PABPC4L: variants seen among roughly 807,000 people sequenced by gnomAD.
PABPC4L encodes polyadenylate-binding protein 4-like.
For missense variants in PABPC4L, 452 were observed against 451.4 expected (o/e 1.00, Z -0.01); for synonymous variants, 169 against 164.1 (o/e 1.03, Z -0.23).
the PABPC4L span, among the ~76,000 whole-genome samples, chr4:134,145,770 T>A: frequency 6.6e-6 from 1 of 151,966 alleles, no homozygotes; most frequent in Non-Finnish European, 1.5e-5. Flanking sequence ...ATAAATAACA[T>A]GTTTTTCTAG....
chr4:134,019,319 T>C, the PABPC4L span, among the ~76,000 whole-genome samples: 11 of 152,250 alleles, frequency 7.2e-5, no homozygotes, highest in African/African-American at 2.2e-4. Flanking sequence ...CATAAACACA[T>C]GAATAACTGA....
chr4:134,151,086 G>C, the PABPC4L span, among the ~76,000 whole-genome samples: 1 of 152,088 alleles, frequency 6.6e-6, no homozygotes, highest in Non-Finnish European at 1.5e-5. Context: ...GTAGCCAGAA[G>C]TATAGTATTG....
chr4:134,047,607 T>C, the PABPC4L span, among the ~76,000 whole-genome samples: 1 of 151,998 alleles, frequency 6.6e-6, no homozygotes, highest in Non-Finnish European at 1.5e-5. Flanking sequence ...TGCAGATAAA[T>C]GGGAAAAAAA....
chr4:134,112,486 C>T, the PABPC4L span, among the ~76,000 whole-genome samples: 1 of 151,860 alleles, frequency 6.6e-6, no homozygotes, highest in Admixed American at 6.6e-5. Flanking sequence ...ATCTACTCAA[C>T]TTATAATAAT....
In PABPC4L at chr4:134,197,487, A is replaced by AATTTTGGAAT. The variant is rs1729699120; in HGVS notation, c.*2419_*2420insATTCCAAAAT. The AATTTTGGAAT allele has an allele frequency of 6.6e-6, 1 of 151,742 alleles. No homozygotes were observed. Among genetic ancestry groups the AATTTTGGAAT allele is most frequent in the East Asian group, 1.9e-4 (1 of 5,194 alleles). The allele number at this position is 151,742 out of a possible 1,614,324, so 9.4% of individuals were successfully genotyped here. A position where few individuals can be genotyped will look rare whatever the true frequency, so the allele number is the denominator to read the frequency against. ...TCAAAGCCATTTCAGTAGAATACTA[A>AATTTTGGAAT]AACTTTCCAGCTTAACATTCAATTT... On this transcript the variant is annotated 3_prime_UTR_variant, in exon 2 of 2. Transcript: ENST00000421491.
At chr4:134,114,661 C>A in the PABPC4L span, among the ~76,000 whole-genome samples, 1 of 151,824 alleles carries the variant, frequency 6.6e-6, no homozygotes, top group Non-Finnish European at 1.5e-5. Context: ...TTCTTCGTGT[C>A]TCCAAGTCTA....
the PABPC4L span, among the ~76,000 whole-genome samples, chr4:134,187,445 A>G: frequency 7.3e-5 from 11 of 151,220 alleles, no homozygotes; most frequent in African/African-American, 2.4e-4. Flanking sequence ...TCGCAAGGAC[A>G]GAAAGCCAAA....
the PABPC4L span, among the ~76,000 whole-genome samples, chr4:134,006,728 AT>A: frequency 6.6e-6 from 1 of 151,864 alleles, no homozygotes. Flanking sequence ...CCACTTCTAC[AT>A]TACATTCTCC....
the PABPC4L span, among the ~76,000 whole-genome samples, chr4:134,137,079 G>A: frequency 6.6e-6 from 1 of 151,900 alleles, no homozygotes; most frequent in African/African-American, 2.4e-5. Flanking sequence ...GAGCAAGGGA[G>A]GAAGACCAAT....
At chr4:134,024,282 C>T in the PABPC4L span, among the ~76,000 whole-genome samples, 10 of 152,202 alleles carry the variant, frequency 6.6e-5, no homozygotes, top group East Asian at 1.7e-3. Context: ...TGTATAGAAC[C>T]TCATTTTCCC....
the PABPC4L span, among the ~76,000 whole-genome samples, chr4:134,022,927 AATTAATTAATATCAGG>A: frequency 1.3e-5 from 2 of 152,066 alleles, no homozygotes; most frequent in East Asian, 1.9e-4. Context: ...ATTTGATATT[AATTAATTAATATCAGG>A]ATTAATTAAT....
the PABPC4L span, among the ~76,000 whole-genome samples, chr4:134,059,386 C>CTATATATATATATATATATATA: frequency 7.0e-6 from 1 of 142,520 alleles, no homozygotes; most frequent in African/African-American, 2.6e-5. Context: ...AGGAAACAAA[C>CTATATATATATATATATATATA]TATATATATA....
the PABPC4L span, among the ~76,000 whole-genome samples, chr4:134,047,495 T>A: frequency 6.6e-6 from 1 of 152,146 alleles, no homozygotes; most frequent in Non-Finnish European, 1.5e-5. Context: ...GAAATAATTA[T>A]CTCTAGAAAA....
At chr4:134,116,038 G>A in the PABPC4L span, among the ~76,000 whole-genome samples, 1 of 151,816 alleles carries the variant, frequency 6.6e-6, no homozygotes, top group Non-Finnish European at 1.5e-5. Context: ...AAAAATAAAT[G>A]TATAATTGCA....
the PABPC4L span, among the ~76,000 whole-genome samples, chr4:134,143,066 A>G: frequency 6.6e-6 from 1 of 151,490 alleles, no homozygotes; most frequent in East Asian, 1.9e-4. Flanking sequence ...ATAAAATACT[A>G]CAAACCTCCT....
chr4:133,981,878 A>G, the PABPC4L span, among the ~76,000 whole-genome samples: 1 of 152,040 alleles, frequency 6.6e-6, no homozygotes, highest in South Asian at 2.1e-4. Context: ...AGTACAGAAT[A>G]TGGTATTTTA....
the PABPC4L span, among the ~76,000 whole-genome samples, chr4:134,143,359 T>C: frequency 6.7e-6 from 1 of 150,228 alleles, no homozygotes; most frequent in Non-Finnish European, 1.5e-5. Flanking sequence ...TTATGTAATA[T>C]TTATGCACAT....
chr4:133,957,890 C>T, the PABPC4L span, among the ~76,000 whole-genome samples: 1 of 152,172 alleles, frequency 6.6e-6, no homozygotes, highest in Non-Finnish European at 1.5e-5. Context: ...TGCTGGGTGC[C>T]ATGTCCTGAG....
chr4:134,087,651 G>A, the PABPC4L span, among the ~76,000 whole-genome samples: 2 of 152,070 alleles, frequency 1.3e-5, no homozygotes, highest in Non-Finnish European at 2.9e-5. Context: ...CCAAGCTCAG[G>A]TGCTTCCATC....
Sources: allele counts gnomAD v4.1 joint callset (sites outside exome capture counted in the v4.1 genomes callset), GRCh38; gene constraint gnomAD v4.1.1; transcripts MANE v1.5; gene names NCBI Gene and HGNC (gene_info 2026-07-23, HGNC 2026-07-21).